SLC12A2: variants seen among roughly 807,000 people sequenced by gnomAD.
SLC12A2 encodes solute carrier family 12 member 2, also known as Na-K-2Cl cotransporter 1.
In SLC12A2, 67 loss-of-function variants were observed where a neutral mutation model predicts 136.3. That is an observed-to-expected ratio of 0.49 (90% confidence interval 0.40 to 0.60). SLC12A2 has a LOEUF of 0.60. SLC12A2 is among the 20% of genes least tolerant of loss of function. The pLI is 0.00. For missense variants in SLC12A2, 1,322 were observed against 1,534.7 expected, an observed-to-expected ratio of 0.86 and a Z score of 2.32; for synonymous variants, 619 against 562.9, an observed-to-expected ratio of 1.10 and a Z score of -1.41.
Position 128,186,502 on chromosome 5 carries a change from C to G in SLC12A2, c.3510C>G (p.Leu1170=). Residue 1170 remains leucine (L), a synonymous_variant, in exon 27 of 27, where the codon CTC becomes CTG. Coordinates refer to ENST00000262461, the MANE Select transcript of SLC12A2 (RefSeq NM_001046.3). ...SSTANIIVMS[L]PVARKGAVSS... ...TTTCTCTTTTTGATACCAGGAGTCT[C>G]CCAGTTGCACGAAAAGGTGCTGTGT... 6.2e-7 allele frequency: 1 copy of G among 1,605,546 alleles called. No individual in the cohort carries two copies. Among genetic ancestry groups the G allele is most frequent in the African/African-American group, 1.4e-5 (1 of 73,568 alleles).
At chr5:128,129,017 T>C (rs1761918860) in intron 4 of SLC12A2, among the ~76,000 whole-genome samples, 1 of 152,086 alleles carries the variant, frequency 6.6e-6, no homozygotes, top group South Asian at 2.1e-4. Context: ...CTTTTAAATC[T>C]TTTGAAATCT....
At chr5:128,148,722 A>T in intron 11 of SLC12A2, 32 bp from the exon 12 acceptor site, 1 of 1,536,898 alleles carries the variant, frequency 6.5e-7, no homozygotes, top group Non-Finnish European at 8.7e-7. Context: ...TCTAATTTTA[A>T]TATGTTTCAT....
At chr5:128,185,493 T>G (rs1193960615) in intron 26 of SLC12A2, among the ~76,000 whole-genome samples, 1 of 152,018 alleles carries the variant, frequency 6.6e-6, no homozygotes, top group African/African-American at 2.4e-5. Flanking sequence ...TGAAAAAAAC[T>G]ACCAAAAGAT....
chr5:128,093,386 C>T (rs1358681073), intron 1 of SLC12A2, among the ~76,000 whole-genome samples: 1 of 152,042 alleles, frequency 6.6e-6, no homozygotes, highest in Non-Finnish European at 1.5e-5. Flanking sequence ...CAATGACTCC[C>T]GAAATTTCGT....
chr5:128,126,966 A>ATATATATAATTT lies in SLC12A2; in HGVS notation c.1049-4100_1049-4099insATATATAATTTT. On this transcript the variant is annotated intron_variant, in intron 4 of 26. Transcript: ENST00000262461. Reference sequence around the variant, plus strand: ...CATATATATATATATATATATATATATTTTTTTTTTTTTTTTTTTTTGCAT... The same window carrying ATATATATAATTT: ...CATATATATATATATATATATATATATATATATAATTTTTTTTTTTTTTTTTTTTTTTTGCAT... 4.2e-3 allele frequency among the ~76,000 whole-genome samples: 88 copies of ATATATATAATTT among 21,158 alleles called. 6 individuals carry two copies. Among genetic ancestry groups the ATATATATAATTT allele is most frequent in the African/African-American group, 7.9e-3 (32 of 4,030 alleles). 13.9% of individuals were successfully genotyped at this position (21,158 alleles called of 152,430 possible). A position where few individuals can be genotyped will look rare whatever the true frequency, so the allele number is the denominator to read the frequency against.
intron 1 of SLC12A2, among the ~76,000 whole-genome samples, chr5:128,108,847 A>G (rs1298572662): frequency 6.6e-6 from 1 of 152,234 alleles, no homozygotes; most frequent in Non-Finnish European, 1.5e-5. Flanking sequence ...GGGTAATTTT[A>G]AATTTTTATG....
intron 26 of SLC12A2, 143 bp downstream of exon 26, chr5:128,184,999 C>T: frequency 1.5e-6 from 1 of 675,758 alleles, no homozygotes. Context: ...TAAAAATATA[C>T]TATGCTTTAA....
chr5:128,109,972 A>G (rs541611671), intron 1 of SLC12A2: 189 of 948,342 alleles, frequency 2.0e-4, no homozygotes, highest in Non-Finnish European at 3.0e-4. Flanking sequence ...ATTCAGAGAG[A>G]TCTGGCACAT....
At chr5:128,120,671 G>T (rs561398727) in intron 4 of SLC12A2, among the ~76,000 whole-genome samples, 92 of 151,806 alleles carry the variant, frequency 6.1e-4, no homozygotes, top group Non-Finnish European at 8.4e-4. Context: ...AGAACACATG[G>T]ACACAGGAAG....
At chr5:128,147,588 A>C in intron 10 of SLC12A2, 34 bp from the exon 11 acceptor site, 1 of 1,365,594 alleles carries the variant, frequency 7.3e-7, no homozygotes, top group Admixed American at 1.7e-5. Context: ...TGTTTGTGAG[A>C]TTTATTTTTC....
At chr5:128,115,247 C>T (rs920661625) in intron 4 of SLC12A2, among the ~76,000 whole-genome samples, 3 of 152,176 alleles carry the variant, frequency 2.0e-5, no homozygotes, top group African/African-American at 7.2e-5. Flanking sequence ...GCATCAGCCT[C>T]CTGAGTAGCT....
chr5:128,136,759 G>C (rs1762204164), intron 7 of SLC12A2, among the ~76,000 whole-genome samples: 1 of 152,000 alleles, frequency 6.6e-6, no homozygotes, highest in East Asian at 1.9e-4. Context: ...AACTATTATA[G>C]TGCTGACCTT....
intron 5 of SLC12A2, 110 bp from the exon 6 acceptor site, chr5:128,134,055 C>T: frequency 1.7e-6 from 1 of 593,952 alleles, no homozygotes; most frequent in Non-Finnish European, 3.0e-6. Flanking sequence ...ACCATTTATT[C>T]AACTTCTTCA....
intron 9 of SLC12A2, 79 bp from the exon 10 acceptor site, chr5:128,141,751 T>G: frequency 8.2e-7 from 1 of 1,217,090 alleles, no homozygotes. Context: ...GGTTTCTTTA[T>G]AAATATATAT....
intron 1 of SLC12A2, among the ~76,000 whole-genome samples, chr5:128,103,913 C>T (rs531406727): frequency 6.6e-6 from 1 of 152,110 alleles, no homozygotes; most frequent in African/African-American, 2.4e-5. Context: ...GGAAAGTGGT[C>T]TATGGAAAAA....
At chr5:128,121,286 A>C (rs898198354) in intron 4 of SLC12A2, among the ~76,000 whole-genome samples, 4 of 152,144 alleles carry the variant, frequency 2.6e-5, no homozygotes, top group African/African-American at 9.7e-5. Context: ...GGCTTGATTC[A>C]ATTTTAGTAC....
intron 7 of SLC12A2, among the ~76,000 whole-genome samples, chr5:128,136,507 G>A (rs767675729): frequency 3.3e-5 from 5 of 152,066 alleles, no homozygotes; most frequent in Non-Finnish European, 5.9e-5. Context: ...TCATAGCCCT[G>A]TCAAACTTCT....
At chr5:128,158,662 G>A (rs926996872) in intron 16 of SLC12A2, among the ~76,000 whole-genome samples, 7 of 152,040 alleles carry the variant, frequency 4.6e-5, no homozygotes, top group African/African-American at 1.4e-4. Flanking sequence ...TTCAATGAAC[G>A]TACGCATGCA....
At chr5:128,178,017 G>A (rs1038507089) in intron 21 of SLC12A2, among the ~76,000 whole-genome samples, 4 of 152,086 alleles carry the variant, frequency 2.6e-5, no homozygotes, top group Non-Finnish European at 5.9e-5. Flanking sequence ...ACAAAACATA[G>A]GTAAAAATGA....
Sources: allele counts gnomAD v4.1 joint callset (sites outside exome capture counted in the v4.1 genomes callset), GRCh38; gene constraint gnomAD v4.1.1; transcripts MANE v1.5; gene names NCBI Gene and HGNC (gene_info 2026-07-23, HGNC 2026-07-21).